The following DTNB variants were observed in gnomAD, a reference collection of about 807,000 sequenced individuals.
DTNB encodes the protein DTN-B.
A neutral mutation model predicts 90.7 loss-of-function variants in DTNB; 63 were observed. The observed-to-expected ratio is 0.69, with a 90% CI of 0.57 to 0.86. DTNB has a LOEUF of 0.86. Ranked by LOEUF, DTNB falls within the 40% of genes least tolerant of loss-of-function variation. The pLI, the probability that DTNB is intolerant of heterozygous loss-of-function variation, is 0.00. For synonymous variants in DTNB, 277 were observed against 286.7 expected (o/e 0.97, Z 0.34); for missense variants, 744 against 807.1 (o/e 0.92, Z 0.95).
intron 18 of DTNB, among the ~76,000 whole-genome samples, chr2:25,384,598 G>A (rs1039311965): frequency 3.3e-5 from 5 of 152,222 alleles, no homozygotes; most frequent in Admixed American, 1.3e-4. Flanking sequence ...GGAATTGGGT[G>A]TAGCAGTCTA....
intron 8 of DTNB, among the ~76,000 whole-genome samples, chr2:25,538,355 C>T (rs1004432361): frequency 6.6e-6 from 1 of 152,134 alleles, no homozygotes; most frequent in African/African-American, 2.4e-5. Context: ...CAGTGAACTA[C>T]AATAGTGCCA....
intron 12 of DTNB, among the ~76,000 whole-genome samples, chr2:25,446,272 T>C (rs1234665583): frequency 6.6e-6 from 1 of 152,184 alleles, no homozygotes; most frequent in Non-Finnish European, 1.5e-5. Flanking sequence ...GGTCTTGCTG[T>C]GTTGCCCAGC....
intron 16 of DTNB, among the ~76,000 whole-genome samples, chr2:25,415,704 T>C (rs1465946693): frequency 6.6e-6 from 1 of 152,032 alleles, no homozygotes; most frequent in Non-Finnish European, 1.5e-5. Flanking sequence ...CATGCATACA[T>C]AATGGAACCC....
intron 1 of DTNB, among the ~76,000 whole-genome samples, chr2:25,671,519 C>T (rs2085902287): frequency 6.6e-6 from 1 of 152,210 alleles, no homozygotes; most frequent in African/African-American, 2.4e-5. Context: ...GCTTCCTATA[C>T]AATGCCAGAT....
intron 12 of DTNB, among the ~76,000 whole-genome samples, chr2:25,439,164 C>T (rs1312344841): frequency 1.3e-5 from 2 of 151,994 alleles, no homozygotes; most frequent in Non-Finnish European, 1.5e-5. Flanking sequence ...ATCAATATTG[C>T]TTCACTAATT....
intron 5 of DTNB, among the ~76,000 whole-genome samples, chr2:25,604,152 C>G (rs1346588999): frequency 6.6e-6 from 1 of 152,016 alleles, no homozygotes; most frequent in Non-Finnish European, 1.5e-5. Context: ...ATCATATTTG[C>G]CAGTGATAAA....
At chr2:25,377,813 CAGG>C (rs893872420) in intron 20 of DTNB, among the ~76,000 whole-genome samples, 4 of 152,118 alleles carry the variant, frequency 2.6e-5, no homozygotes, top group African/African-American at 2.4e-5. Context: ...AATTGTGGCC[CAGG>C]AGAAGGGCAG....
intron 9 of DTNB, among the ~76,000 whole-genome samples, chr2:25,513,498 G>A (rs572770962): frequency 6.6e-5 from 10 of 152,180 alleles, no homozygotes; most frequent in South Asian, 2.1e-4. Flanking sequence ...CGAGGCAGGC[G>A]ATCACTTGGG....
intron 5 of DTNB, among the ~76,000 whole-genome samples, chr2:25,602,302 T>A (rs2066069232): frequency 6.6e-6 from 1 of 152,198 alleles, no homozygotes; most frequent in Admixed American, 6.5e-5. Context: ...TCTTCTTTTT[T>A]TCCCCTTATT....
Position 25,650,718 on chromosome 2 carries a change from T to C in DTNB, c.67+1876A>G, listed in dbSNP as rs187051509. ...GCTCAGGCCTGTAATCCCAGCATTT[T>C]GGGAGGCCAAGACAGGCGGATCACT... is the stretch of plus-strand genomic sequence containing the variant. On this transcript the variant is annotated intron_variant, in intron 2 of 20. Coordinates refer to ENST00000406818, the MANE Select transcript of DTNB (RefSeq NM_021907.5). 1.7e-4 allele frequency among the ~76,000 whole-genome samples: 26 copies of C among 152,288 alleles called. No homozygotes were observed. The East Asian group carries it at 4.4e-3, about 26-fold the overall frequency.
intron 5 of DTNB, among the ~76,000 whole-genome samples, chr2:25,596,847 C>A (rs1241380339): frequency 1.3e-5 from 2 of 152,138 alleles, no homozygotes; most frequent in Non-Finnish European, 2.9e-5. Flanking sequence ...TACTGTAAGA[C>A]CCTATTTTTA....
At chr2:25,401,854 T>C (rs1343770095) in intron 16 of DTNB, among the ~76,000 whole-genome samples, 1 of 152,238 alleles carries the variant, frequency 6.6e-6, no homozygotes, top group Non-Finnish European at 1.5e-5. Context: ...CCCTGACTCA[T>C]GGACACCTGC....
intron 9 of DTNB, 118 bp from the exon 10 acceptor site, chr2:25,482,991 G>C: frequency 1.0e-6 from 1 of 997,082 alleles, no homozygotes. Context: ...AGCACAGACG[G>C]ACCCATGGGG....
At chr2:25,465,700 C>T (rs1409258365) in intron 10 of DTNB, among the ~76,000 whole-genome samples, 1 of 152,090 alleles carries the variant, frequency 6.6e-6, no homozygotes, top group Admixed American at 6.5e-5. Context: ...CCTGAGATGC[C>T]GGCATGGCCC....
chr2:25,471,854 G>C (rs76236874), intron 10 of DTNB, among the ~76,000 whole-genome samples: 1,984 of 151,646 alleles, frequency 0.013, 22 homozygotes, highest in Middle Eastern at 0.044. Flanking sequence ...CAATGCTTGG[G>C]TTTAATGTAC....
At chr2:25,393,680 CCTAA>C (rs1162536378) in intron 16 of DTNB, among the ~76,000 whole-genome samples, 7 of 152,062 alleles carry the variant, frequency 4.6e-5, no homozygotes, top group South Asian at 2.1e-4. Flanking sequence ...TAGGAATATA[CCTAA>C]CTAAGGATAT....
intron 20 of DTNB, among the ~76,000 whole-genome samples, chr2:25,378,805 T>C (rs72613821): frequency 0.041 from 6,312 of 152,298 alleles, 146 homozygotes; most frequent in East Asian, 0.074. Context: ...TGGTCAGCCC[T>C]GTAGTCAGTG....
chr2:25,662,681 A>ACACACACACACAAAC (rs35419647), intron 1 of DTNB, among the ~76,000 whole-genome samples: 3 of 104,460 alleles, frequency 2.9e-5, no homozygotes, highest in East Asian at 2.4e-4. Flanking sequence ...CACACACACA[A>ACACACACACACAAAC]ACACACACAC....
At chr2:25,378,550 TG>T (rs1231576272) in intron 20 of DTNB, among the ~76,000 whole-genome samples, 1 of 134,686 alleles carries the variant, frequency 7.4e-6, no homozygotes, top group Non-Finnish European at 1.6e-5. Flanking sequence ...TCGAGGAAGA[TG>T]CCTAATTTTT....
Sources: gnomAD v4.1 joint callset for allele counts (sites outside exome capture counted in the v4.1 genomes callset) on GRCh38, gnomAD v4.1.1 for gene constraint, MANE v1.5 for transcripts, NCBI Gene and HGNC (gene_info 2026-07-23, HGNC 2026-07-21) for gene names.